The following ARHGEF3 variants were observed in gnomAD, a reference collection of about 807,000 sequenced individuals.
The protein encoded by ARHGEF3 is 59.8 kDA protein.
A neutral mutation model predicts 63.2 loss-of-function variants in ARHGEF3; 28 were observed. The ratio of observed to expected loss-of-function variants is 0.44; its 90% CI spans 0.33 to 0.61. The LOEUF (loss-of-function observed/expected upper bound fraction) is 0.61. ARHGEF3 is among the 20% of genes least tolerant of loss of function. The probability of loss-of-function intolerance (pLI) is 0.03; values close to 1 mark genes in which losing one functional copy is unlikely to be tolerated. For synonymous variants in ARHGEF3, 266 were observed against 254.2 expected, an observed-to-expected ratio of 1.05 and a Z score of -0.44; for missense variants, 533 against 659.3, an observed-to-expected ratio of 0.81 and a Z score of 2.10.
At chr3:56,999,143 G>A (rs773063807) in intron 2 of ARHGEF3, among the ~76,000 whole-genome samples, 12 of 151,480 alleles carry the variant, frequency 7.9e-5, no homozygotes, top group Non-Finnish European at 1.2e-4. Context: ...TCTGCCTCCC[G>A]GGTTCAAGTG....
At chr3:56,801,956 C>A, upstream of ARHGEF3, 2 of 1,335,812 alleles carry the variant, frequency 1.5e-6, no homozygotes, top group Non-Finnish European at 9.8e-7. Flanking sequence ...GACTGGGCTC[C>A]GGAGCCGAGT....
chr3:56,879,955 C>T (rs1043948636), intron 4 of ARHGEF3, among the ~76,000 whole-genome samples: 1 of 152,200 alleles, frequency 6.6e-6, no homozygotes, highest in African/African-American at 2.4e-5. Flanking sequence ...GAGAAAGTTA[C>T]TTAAATTTAG....
chr3:56,968,273 TA>T lies in ARHGEF3; in HGVS notation c.63-9385del, dbSNP rs1700736522. ...ATATATAATATTTAAATATATAATA[TA>T]TAAAATATATATAATATATATAATA... On this transcript the variant is annotated intron_variant, in intron 2 of 12. Transcript: ENST00000338458. Among the ~76,000 whole-genome samples the T allele has an allele frequency of 3.4e-4, 17 of 50,372 alleles. 1 individual carries two copies. Among genetic ancestry groups the T allele is most frequent in the African/African-American group, 1.1e-3 (17 of 15,588 alleles). The allele number at this position is 50,372 out of a possible 152,430, so 33.0% of individuals were successfully genotyped here. A position where few individuals can be genotyped will look rare whatever the true frequency, so the allele number is the denominator to read the frequency against.
intron 1 of ARHGEF3, among the ~76,000 whole-genome samples, chr3:57,068,937 T>TC (rs1217848771): frequency 6.6e-6 from 1 of 151,380 alleles, no homozygotes; most frequent in Non-Finnish European, 1.5e-5. Flanking sequence ...TTTTTTTTTT[T>TC]CTGAGACCGA....
intron 1 of ARHGEF3, among the ~76,000 whole-genome samples, chr3:56,786,165 T>C (rs2036798958): frequency 6.6e-6 from 1 of 152,086 alleles, no homozygotes; most frequent in Non-Finnish European, 1.5e-5. Context: ...GAAAACAGAA[T>C]ACATTGAAAT....
chr3:56,753,564 C>T lies in ARHGEF3; in HGVS notation c.378G>A (p.Ala126=), dbSNP rs749712994. The T allele has an allele frequency of 6.8e-6, 11 of 1,613,218 alleles. No individual in the cohort carries two copies. Among genetic ancestry groups the T allele is most frequent in the African/African-American group, 2.7e-5 (2 of 74,872 alleles). Residue 126 remains alanine, a splice_region_variant and synonymous_variant, in exon 4 of 10, where the codon GCG becomes GCA. Coordinates refer to ENST00000296315, the MANE Select transcript of ARHGEF3 (RefSeq NM_019555.3). ...CTTCTCCTTGGGAAAGCTCAAAGAT[C>T]GCCTGCAAGGAAAGATAAACATATT... The part of the protein sequence containing the change: ...LTSKEIKRQE[A]IFELSQGEED...
intron 4 of ARHGEF3, among the ~76,000 whole-genome samples, chr3:56,870,019 T>C (rs1180804204): frequency 1.3e-5 from 2 of 152,280 alleles, no homozygotes; most frequent in Admixed American, 6.5e-5. Flanking sequence ...TACTTCTGGA[T>C]ATATAAGTTT....
At chr3:57,075,055 T>C (rs1050322163) in intron 1 of ARHGEF3, 3 of 167,148 alleles carry the variant, frequency 1.8e-5, no homozygotes, top group South Asian at 4.1e-4. Context: ...ACTGGGGAGT[T>C]TGACCACAAC....
chr3:57,020,359 T>C (rs1380842680), intron 2 of ARHGEF3, among the ~76,000 whole-genome samples: 1 of 152,142 alleles, frequency 6.6e-6, no homozygotes, highest in Non-Finnish European at 1.5e-5. Flanking sequence ...CTGGCCCAGA[T>C]GGCATGAACA....
At chr3:56,800,423 CTT>C (rs2037581424) in intron 1 of ARHGEF3, among the ~76,000 whole-genome samples, 1 of 152,192 alleles carries the variant, frequency 6.6e-6, no homozygotes, top group Admixed American at 6.5e-5. Flanking sequence ...AACAAAAACT[CTT>C]TGTGATAATA....
intron 3 of ARHGEF3, among the ~76,000 whole-genome samples, chr3:56,946,944 C>T (rs1208126794): frequency 6.6e-6 from 1 of 152,188 alleles, no homozygotes; most frequent in East Asian, 1.9e-4. Context: ...AGAAACTCTA[C>T]AAGCCAGAAG....
intron 3 of ARHGEF3, chr3:56,916,347 G>T: frequency 1.3e-6 from 2 of 1,535,132 alleles, no homozygotes; most frequent in African/African-American, 1.4e-5. Context: ...ACCATGGGGC[G>T]CTCTGACCTC....
At chr3:57,060,085 C>T (rs1705138737) in intron 1 of ARHGEF3, among the ~76,000 whole-genome samples, 1 of 152,058 alleles carries the variant, frequency 6.6e-6, no homozygotes, top group African/African-American at 2.4e-5. Flanking sequence ...TTTGGGAGGC[C>T]AAGGCGGGAG....
intron 3 of ARHGEF3, among the ~76,000 whole-genome samples, chr3:56,907,545 C>T (rs1429065978): frequency 6.6e-6 from 1 of 152,148 alleles, no homozygotes; most frequent in South Asian, 2.1e-4. Flanking sequence ...ATAAATCATT[C>T]TATCATAATG....
intron 2 of ARHGEF3, among the ~76,000 whole-genome samples, chr3:56,761,429 C>A (rs1052968461): frequency 6.6e-6 from 1 of 152,114 alleles, no homozygotes; most frequent in African/African-American, 2.4e-5. Context: ...ATCTACACAC[C>A]CTCTGCCCTT....
At chr3:56,762,481 C>T (rs187673144) in intron 2 of ARHGEF3, among the ~76,000 whole-genome samples, 6 of 151,230 alleles carry the variant, frequency 4.0e-5, no homozygotes, top group Admixed American at 2.0e-4. Flanking sequence ...GACTGTCTGC[C>T]GGGGGTTGGG....
Position 56,773,709 on chromosome 3 carries a change from C to T in ARHGEF3, c.204G>A (p.Gln68=), listed in dbSNP as rs2036128941. The T allele has an allele frequency of 6.3e-7, 1 of 1,578,294 alleles. No individual in the cohort carries two copies. ...CACAGGCCCTGTGTGCCCTTCTTAC[C>T]TGCAGGGTTTGACTGAAGCGCTTTA... ...TPLKRFSQTL[Q]RSISFRSESR... is the part of the protein sequence containing the mutation. The change falls in exon 2 of 10, where the codon CAG becomes CAA. Residue 68 remains glutamine (Q), a splice_region_variant and synonymous_variant. Coordinates refer to ENST00000296315, the MANE Select transcript of ARHGEF3 (RefSeq NM_019555.3).
intron 4 of ARHGEF3, among the ~76,000 whole-genome samples, chr3:56,844,055 T>A (rs973541659): frequency 1.3e-5 from 2 of 152,232 alleles, no homozygotes; most frequent in Non-Finnish European, 2.9e-5. Flanking sequence ...GGCAAGATTC[T>A]GTAAGAAAAG....
chr3:57,029,664 T>C (rs547311042), intron 2 of ARHGEF3, among the ~76,000 whole-genome samples: 1 of 152,184 alleles, frequency 6.6e-6, no homozygotes, highest in Non-Finnish European at 1.5e-5. Flanking sequence ...CCAAACAAAT[T>C]TGACAACAAA....
Sources: allele counts gnomAD v4.1 joint callset (sites outside exome capture counted in the v4.1 genomes callset), GRCh38; gene constraint gnomAD v4.1.1; transcripts MANE v1.5; gene names NCBI Gene and HGNC (gene_info 2026-07-23, HGNC 2026-07-21).